The following ATP8A2 variants were observed in gnomAD, a reference collection of about 807,000 sequenced individuals.
ATP8A2 encodes ATPase phospholipid transporting 8A2, also known as phospholipid-transporting ATPase IB.
ATP8A2 carries 100 observed loss-of-function variants against 165.6 expected under a neutral mutation model. The observed-to-expected ratio is 0.60, with a 90% CI of 0.51 to 0.71. The LOEUF is 0.71. Among genes scored for constraint, ATP8A2 ranks in the 30% least tolerant of loss-of-function variants. ATP8A2 has a pLI of 0.00. For missense variants in ATP8A2, 1,227 were observed against 1,479.5 expected (o/e 0.83, Z 2.80); for synonymous variants, 543 against 548.8 (o/e 0.99, Z 0.15).
At chr13:25,410,804 G>A (rs2033943469) in intron 1 of ATP8A2, among the ~76,000 whole-genome samples, 1 of 152,244 alleles carries the variant, frequency 6.6e-6, no homozygotes, top group African/African-American at 2.4e-5. Flanking sequence ...TGTTGACTGA[G>A]CCAACATCAT....
At chr13:25,660,648 A>G (rs967022437) in intron 24 of ATP8A2, among the ~76,000 whole-genome samples, 3 of 151,922 alleles carry the variant, frequency 2.0e-5, no homozygotes, top group African/African-American at 4.9e-5. Context: ...TGTGGAAAAC[A>G]TAGAAGGAAA....
intron 27 of ATP8A2, among the ~76,000 whole-genome samples, chr13:25,780,481 G>A (rs980314222): frequency 2.0e-5 from 3 of 152,138 alleles, no homozygotes; most frequent in African/African-American, 7.2e-5. Context: ...AATAGAAATA[G>A]ATATTCTAAG....
intron 33 of ATP8A2, among the ~76,000 whole-genome samples, chr13:25,884,214 T>G (rs1451582436): frequency 1.3e-5 from 2 of 152,050 alleles, no homozygotes; most frequent in African/African-American, 4.8e-5. Context: ...CCAGGACAAG[T>G]TGGAGTTACA....
At chr13:25,396,735 C>T (rs1461609379) in intron 1 of ATP8A2, among the ~76,000 whole-genome samples, 1 of 152,148 alleles carries the variant, frequency 6.6e-6, no homozygotes, top group Non-Finnish European at 1.5e-5. Flanking sequence ...TGTGGGCGAG[C>T]GCCTGCCACT....
intron 2 of ATP8A2, among the ~76,000 whole-genome samples, chr13:25,488,034 C>T (rs781336706): frequency 2.7e-4 from 41 of 152,102 alleles, no homozygotes; most frequent in African/African-American, 9.2e-4. Flanking sequence ...GAAAGCATGT[C>T]GGGAAGCTAA....
At chr13:25,733,258 A>AG (rs2043692790) in intron 25 of ATP8A2, among the ~76,000 whole-genome samples, 1 of 152,176 alleles carries the variant, frequency 6.6e-6, no homozygotes, top group Non-Finnish European at 1.5e-5. Flanking sequence ...TTGAGCAAAG[A>AG]GGGGTATTTC....
intron 2 of ATP8A2, among the ~76,000 whole-genome samples, chr13:25,522,296 T>G (rs1315152100): frequency 6.6e-6 from 1 of 152,076 alleles, no homozygotes; most frequent in East Asian, 1.9e-4. Context: ...ATAGAAATGC[T>G]ACTGATTTTT....
chr13:25,748,401 T>C (rs997759532), intron 25 of ATP8A2, among the ~76,000 whole-genome samples: 4 of 152,228 alleles, frequency 2.6e-5, no homozygotes. Flanking sequence ...TTTTTTGTTT[T>C]AAATGTTACA....
At chr13:25,591,462 C>G (rs1301068380) in intron 24 of ATP8A2, 1 of 417,712 alleles carries the variant, frequency 2.4e-6, no homozygotes, top group Non-Finnish European at 4.8e-6. Flanking sequence ...CAAGGTTCAT[C>G]CATATCGGAC....
chr13:25,673,896 G>A (rs2042316966), intron 24 of ATP8A2, among the ~76,000 whole-genome samples: 1 of 152,132 alleles, frequency 6.6e-6, no homozygotes, highest in Non-Finnish European at 1.5e-5. Flanking sequence ...GTGAAAGATG[G>A]TACAAAAATT....
At chr13:25,399,189 A>C (rs994790038) in intron 1 of ATP8A2, among the ~76,000 whole-genome samples, 1 of 152,066 alleles carries the variant, frequency 6.6e-6, no homozygotes, top group African/African-American at 2.4e-5. Context: ...CTTACACTGA[A>C]GCATGCACTG....
intron 33 of ATP8A2, chr13:25,927,046 T>C (rs192609549): frequency 4.5e-6 from 2 of 442,218 alleles, no homozygotes; most frequent in East Asian, 1.4e-4. Flanking sequence ...TCCTGTGTGA[T>C]TGTTTTGTGT....
At position 26,021,358 on chromosome 13, in the gene ATP8A2, C is replaced by T. The variant is rs1317997634; in HGVS notation, c.*1373C>T. On this transcript the variant is annotated 3_prime_UTR_variant, in exon 37 of 37. Transcript: ENST00000381655. Reference sequence around the variant, plus strand: ...TTAAACAAGACCTTCACACACAGTTCTAATTGAAAAGAATTCCAAACATTT... The same window carrying T: ...TTAAACAAGACCTTCACACACAGTTTTAATTGAAAAGAATTCCAAACATTT... 6.6e-6 allele frequency: 1 copy of T among 152,216 alleles called. No individual in the cohort carries two copies. The allele number at this position is 152,216 out of a possible 1,614,324, so 9.4% of individuals were successfully genotyped here. A position where few individuals can be genotyped will look rare whatever the true frequency, so the allele number is the denominator to read the frequency against.
chr13:25,512,489 G>A (rs2037266121), intron 2 of ATP8A2, among the ~76,000 whole-genome samples: 1 of 151,844 alleles, frequency 6.6e-6, no homozygotes, highest in Non-Finnish European at 1.5e-5. Context: ...TCCCGGACGG[G>A]GCGGCTGGCT....
chr13:25,437,522 A>C (rs1454096788), intron 1 of ATP8A2, among the ~76,000 whole-genome samples: 2 of 152,206 alleles, frequency 1.3e-5, no homozygotes, highest in African/African-American at 4.8e-5. Context: ...CTCTTATATA[A>C]AGTCAGTTTT....
intron 28 of ATP8A2, among the ~76,000 whole-genome samples, chr13:25,834,499 G>T (rs1175735487): frequency 2.0e-5 from 3 of 152,152 alleles, no homozygotes; most frequent in Non-Finnish European, 4.4e-5. Flanking sequence ...GAAAGAAAAT[G>T]AATGTCTGTC....
chr13:25,936,273 C>T (rs1212347300), intron 33 of ATP8A2, among the ~76,000 whole-genome samples: 1 of 152,182 alleles, frequency 6.6e-6, no homozygotes, highest in Non-Finnish European at 1.5e-5. Flanking sequence ...CATCTGACGG[C>T]CAGTCCTTGC....
At chr13:25,484,598 T>A (rs2036296567) in intron 2 of ATP8A2, among the ~76,000 whole-genome samples, 1 of 152,136 alleles carries the variant, frequency 6.6e-6, no homozygotes, top group South Asian at 2.1e-4. Context: ...TACTGCAACA[T>A]CCCACTCCCG....
chr13:25,564,007 G>A lies in ATP8A2; in HGVS notation c.1449G>A (p.Leu483=). The change falls in exon 16 of 37, where the codon CTG becomes CTA. Residue 483 remains leucine, a synonymous_variant. Transcript: ENST00000381655. ...SDSCDFDDPR[L]LKNIEDRHPT... is the part of the protein sequence containing the mutation. ...CCTGTGACTTTGATGACCCCAGGCT[G>A]TTGAAGAACATTGAGGATCGCCATG... 6.2e-7 allele frequency: 1 copy of A among 1,613,270 alleles called. No individual in the cohort carries two copies. The highest frequency in any genetic ancestry group is 8.5e-7 in the Non-Finnish European group (1 of 1,179,290).
Sources: allele counts gnomAD v4.1 joint callset (sites outside exome capture counted in the v4.1 genomes callset), GRCh38; gene constraint gnomAD v4.1.1; transcripts MANE v1.5; gene names NCBI Gene and HGNC (gene_info 2026-07-23, HGNC 2026-07-21).